Variants in GNG7 observed in about 807,000 individuals in gnomAD.
GNG7 encodes G protein subunit gamma 7.
A neutral mutation model predicts 4.0 loss-of-function variants in GNG7; 1 was observed. That is an observed-to-expected ratio of 0.25 (90% confidence interval 0.09 to 1.18). The LOEUF (loss-of-function observed/expected upper bound fraction) is 1.18, where lower values mean the gene tolerates loss of function less well. Ranked by LOEUF, GNG7 falls within the 50% of genes most tolerant of loss-of-function variation. GNG7 has a pLI of 0.50. For missense variants in GNG7, 86 were observed against 91.9 expected, an observed-to-expected ratio of 0.94 and a Z score of 0.26; for synonymous variants, 34 against 36.9, an observed-to-expected ratio of 0.92 and a Z score of 0.29.
intron 1 of GNG7, among the ~76,000 whole-genome samples, chr19:2,696,366 A>AAAGAAAGAG: frequency 6.6e-6 from 1 of 151,784 alleles, no homozygotes; most frequent in Non-Finnish European, 1.5e-5. Context: ...AAAAGAAAGA[A>AAAGAAAGAG]AGAAAGGAAA....
At chr19:2,535,831 T>C (rs976262211) in intron 3 of GNG7, among the ~76,000 whole-genome samples, 1 of 152,162 alleles carries the variant, frequency 6.6e-6, no homozygotes, top group Non-Finnish European at 1.5e-5. Flanking sequence ...CAAGTTCATA[T>C]GTTGAAATCC....
At chr19:2,554,561 T>A (rs199535423) in intron 3 of GNG7, among the ~76,000 whole-genome samples, 9,297 of 42,092 alleles carry the variant, frequency 0.22, 403 homozygotes, top group African/African-American at 0.35. Flanking sequence ...ATATATATAT[T>A]TTTTTTTTTT....
At chr19:2,659,682 G>A (rs916235360) in intron 1 of GNG7, among the ~76,000 whole-genome samples, 2 of 142,502 alleles carry the variant, frequency 1.4e-5, no homozygotes, top group Non-Finnish European at 3.1e-5. Flanking sequence ...GGGTGGGAGA[G>A]AGAGGAAAAC....
intron 3 of GNG7, among the ~76,000 whole-genome samples, chr19:2,548,703 C>T (rs759493753): frequency 5.9e-5 from 9 of 152,092 alleles, no homozygotes; most frequent in South Asian, 2.1e-4. Flanking sequence ...GCAGAAGAAT[C>T]GCTTGAACCC....
chr19:2,627,958 G>A (rs988488610), intron 2 of GNG7, among the ~76,000 whole-genome samples: 4 of 152,206 alleles, frequency 2.6e-5, no homozygotes, highest in African/African-American at 7.2e-5. Context: ...CTTAATGAAG[G>A]AGGTGACGGT....
intron 1 of GNG7, among the ~76,000 whole-genome samples, chr19:2,672,050 C>CAA (rs528016536): frequency 0.62 from 54,117 of 86,954 alleles, 17,898 homozygotes; most frequent in Non-Finnish European, 0.69. Context: ...GACTCCGTCT[C>CAA]AAAAAAAAAA....
Position 2,546,143 on chromosome 19 carries a change from C to A in GNG7, c.-38+9006G>T, listed in dbSNP as rs1052742752. Among the ~76,000 whole-genome samples, 5 of 152,184 alleles carry A rather than the reference C, an allele frequency of 3.3e-5. No homozygotes were observed. Among genetic ancestry groups the A allele is most frequent in the African/African-American group, 9.7e-5 (4 of 41,444 alleles). ...CTCACCAGGACGCCAAAGAGGGGACCCACGCAGAGCCCGGGGAGCCCGACT... is the reference window on the plus strand; with the variant it reads ...CTCACCAGGACGCCAAAGAGGGGACACACGCAGAGCCCGGGGAGCCCGACT... On this transcript the variant is annotated intron_variant, in intron 3 of 4. Coordinates refer to ENST00000382159, the MANE Select transcript of GNG7 (RefSeq NM_052847.3). This position sits in a 1 kb window ranked among gnomAD's most constrained non-coding sequence, Gnocchi z 6.3.
chr19:2,564,379 G>A (rs1039329083), intron 2 of GNG7, among the ~76,000 whole-genome samples: 3 of 152,064 alleles, frequency 2.0e-5, no homozygotes, highest in African/African-American at 2.4e-5. Context: ...CCAGGAGTTC[G>A]AGACCAGCCT....
chr19:2,569,244 T>G (rs11671754), intron 2 of GNG7, among the ~76,000 whole-genome samples: 1 of 151,946 alleles, frequency 6.6e-6, no homozygotes, highest in Non-Finnish European at 1.5e-5. Context: ...AGCTACACAG[T>G]GGATGGCGAT....
At chr19:2,628,815 T>A (rs1196616463) in intron 2 of GNG7, among the ~76,000 whole-genome samples, 1 of 152,160 alleles carries the variant, frequency 6.6e-6, no homozygotes, top group African/African-American at 2.4e-5. Flanking sequence ...TCCTTTTTGA[T>A]GAGCTCAGGT....
At chr19:2,678,492 G>C (rs1336837898) in intron 1 of GNG7, among the ~76,000 whole-genome samples, 1 of 152,172 alleles carries the variant, frequency 6.6e-6, no homozygotes, top group Non-Finnish European at 1.5e-5. Context: ...CCACACAGTG[G>C]GCAGGTGGGT....
rs35639922 is a variant in GNG7 at position 2,525,971 on chromosome 19, A to ATTTTTTTTTTTTT, written c.-37-5259_-37-5247dup. Among the ~76,000 whole-genome samples the ATTTTTTTTTTTTT allele has an allele frequency of 7.3e-4, 55 of 75,662 alleles. 10 individuals carry two copies. Among genetic ancestry groups the ATTTTTTTTTTTTT allele is most frequent in the African/African-American group, 2.1e-3 (34 of 16,566 alleles). 49.6% of individuals were successfully genotyped at this position (75,662 alleles called of 152,430 possible). A position where few individuals can be genotyped will look rare whatever the true frequency, so the allele number is the denominator to read the frequency against. On this transcript the variant is annotated intron_variant, in intron 3 of 4. Transcript: ENST00000382159. ...ATTACAGGTGCCTGCCTCCACGCCA[A>ATTTTTTTTTTTTT]TTTTTTTTTTTTTTTTTGAGACAGA...
chr19:2,576,472 G>A (rs1384404762), intron 2 of GNG7, among the ~76,000 whole-genome samples: 1 of 152,206 alleles, frequency 6.6e-6, no homozygotes, highest in Admixed American at 6.5e-5. Flanking sequence ...AGCAGCTGGT[G>A]GCCACCCTCA....
chr19:2,687,185 G>A (rs1983893714), intron 1 of GNG7, among the ~76,000 whole-genome samples: 2 of 151,968 alleles, frequency 1.3e-5, no homozygotes, highest in South Asian at 2.1e-4. Context: ...GGACTCCCGA[G>A]TAGCTGGGAT....
In GNG7 at chr19:2,537,201, G is replaced by A. The variant is rs544311499; in HGVS notation, c.-37-16476C>T. 3.4e-3 allele frequency among the ~76,000 whole-genome samples: 510 copies of A among 150,840 alleles called. 1 individual carries two copies. The highest frequency in any genetic ancestry group is 0.014 in the South Asian group (68 of 4,768). On this transcript the variant is annotated intron_variant, in intron 3 of 4. Coordinates refer to ENST00000382159, the MANE Select transcript of GNG7 (RefSeq NM_052847.3). ...CCTGACCTCGTGATCCGCCCGCCTC[G>A]GCCTCCCAAAGTGCTGGGATTACAA... is the stretch of plus-strand genomic sequence containing the variant.
chr19:2,551,974 G>A (rs889438476), intron 3 of GNG7, among the ~76,000 whole-genome samples: 1 of 152,022 alleles, frequency 6.6e-6, no homozygotes, highest in South Asian at 2.1e-4. Context: ...CGTGAGCCAC[G>A]GCGCCTGACT....
At chr19:2,554,559 ATTT>A (rs34740203) in intron 3 of GNG7, among the ~76,000 whole-genome samples, 2,342 of 130,112 alleles carry the variant, frequency 0.018, 62 homozygotes, top group African/African-American at 0.062. Context: ...ATATATATAT[ATTT>A]TTTTTTTTTT....
At position 2,557,845 on chromosome 19, in the gene GNG7, A is replaced by C. The variant is rs1979613822; in HGVS notation, c.-77-2657T>G. Among the ~76,000 whole-genome samples, 1 of 151,968 alleles carries C rather than the reference A, an allele frequency of 6.6e-6. No individual in the cohort carries two copies. The highest frequency in any genetic ancestry group is 1.9e-4 in the East Asian group (1 of 5,186). ...CTCGGTGCATTTCTCTCTCAGGCTT[A>C]CTTTTTTTCTCTTTGAGACAGAGTC... On this transcript the variant is annotated intron_variant, in intron 2 of 4. Transcript: ENST00000382159. The surrounding 1 kb of genome is among the most constrained non-coding windows in gnomAD (Gnocchi z 5.1).
chr19:2,596,583 C>T (rs1033964711), intron 2 of GNG7, among the ~76,000 whole-genome samples: 5 of 151,682 alleles, frequency 3.3e-5, no homozygotes, highest in Admixed American at 6.6e-5. Context: ...GTGGGAGGAT[C>T]GCTTGAGTCC....
Sources: allele counts gnomAD v4.1 joint callset (sites outside exome capture counted in the v4.1 genomes callset), GRCh38; gene constraint gnomAD v4.1.1; non-coding constraint Gnocchi (gnomAD v3.1); transcripts MANE v1.5; gene names NCBI Gene and HGNC (gene_info 2026-07-23, HGNC 2026-07-21).